The following ABCB11 variants were observed in gnomAD, a reference collection of about 807,000 sequenced individuals.
ABCB11 encodes bile salt export pump.
A neutral mutation model predicts 148.0 loss-of-function variants in ABCB11; 95 were observed. The observed-to-expected ratio is 0.64, with a 90% CI of 0.54 to 0.76. The LOEUF (loss-of-function observed/expected upper bound fraction) is 0.76. Ranked by LOEUF, ABCB11 falls within the 30% of genes least tolerant of loss-of-function variation. The pLI is 0.00. For missense variants in ABCB11, 1,523 were observed against 1,617.8 expected, an observed-to-expected ratio of 0.94 and a Z score of 1.01; for synonymous variants, 591 against 555.4, an observed-to-expected ratio of 1.06 and a Z score of -0.90.
chr2:168,944,120 G>A (rs535669660), intron 21 of ABCB11, among the ~76,000 whole-genome samples: 15 of 152,006 alleles, frequency 9.9e-5, no homozygotes, highest in South Asian at 8.3e-4. Flanking sequence ...GCTCTTCGAC[G>A]CCTTCAAGAT....
downstream of ABCB11, among the ~76,000 whole-genome samples, chr2:168,917,780 C>A (rs752135108): frequency 6.6e-6 from 1 of 152,144 alleles, no homozygotes; most frequent in South Asian, 2.1e-4. Flanking sequence ...GAGATTCAGA[C>A]TAGAGAATTC....
intron 5 of ABCB11, among the ~76,000 whole-genome samples, chr2:169,013,070 T>G (rs1304853150): frequency 2.0e-5 from 3 of 152,188 alleles, no homozygotes; most frequent in Non-Finnish European, 2.9e-5. Context: ...TCAATCCTGT[T>G]TCTATTAAGA....
chr2:168,997,602 A>G (rs1694755325), intron 5 of ABCB11, among the ~76,000 whole-genome samples: 2 of 152,108 alleles, frequency 1.3e-5, no homozygotes, highest in South Asian at 2.1e-4. Flanking sequence ...GTTAAATGGT[A>G]TAGAGTCTAC....
intron 10 of ABCB11, among the ~76,000 whole-genome samples, chr2:168,981,261 C>T (rs1694127384): frequency 6.6e-6 from 1 of 152,118 alleles, no homozygotes; most frequent in Admixed American, 6.6e-5. Context: ...GGATGATTAA[C>T]AGGGCCAGGG....
At position 169,018,099 on chromosome 2, in the gene ABCB11, A is replaced by G. The variant is rs772859713; in HGVS notation, c.27T>C (p.Ser9=). 1 of 1,613,618 alleles carries G rather than the reference A, an allele frequency of 6.2e-7. No individual in the cohort carries two copies. Among genetic ancestry groups the G allele is most frequent in the Non-Finnish European group, 8.5e-7 (1 of 1,179,682 alleles). Reference sequence around the variant, plus strand: ...CATTCTCCTCTCCAAATTTCTTTATACTTCGAAGAATTACTGAGTCAGACA... The same window carrying G: ...CATTCTCCTCTCCAAATTTCTTTATGCTTCGAAGAATTACTGAGTCAGACA... MSDSVILR[S]IKKFGEENDG... The change falls in exon 2 of 28, where the codon AGT becomes AGC. Residue 9 remains serine, a synonymous_variant. Coordinates refer to ENST00000650372, the MANE Select transcript of ABCB11 (RefSeq NM_003742.4).
At chr2:169,028,147 T>C (rs375810098) in intron 1 of ABCB11, among the ~76,000 whole-genome samples, 9 of 152,038 alleles carry the variant, frequency 5.9e-5, no homozygotes, top group African/African-American at 1.7e-4. Context: ...ATCCCTGTAC[T>C]GTGAGATCAG....
intron 19 of ABCB11, 146 bp from the exon 20 acceptor site, chr2:168,945,107 G>A: frequency 3.4e-6 from 2 of 592,548 alleles, no homozygotes; most frequent in Non-Finnish European, 3.0e-6. Context: ...GAACCCTAAT[G>A]TAAGCTGTGG....
At chr2:168,964,514 A>G (rs1337438356) in intron 17 of ABCB11, among the ~76,000 whole-genome samples, 2 of 151,678 alleles carry the variant, frequency 1.3e-5, no homozygotes, top group African/African-American at 4.8e-5. Context: ...TGGGCCCTAA[A>G]CTCTTGCAAG....
At chr2:168,948,366 C>T (rs1329757216) in intron 19 of ABCB11, among the ~76,000 whole-genome samples, 1 of 151,760 alleles carries the variant, frequency 6.6e-6, no homozygotes, top group Non-Finnish European at 1.5e-5. Flanking sequence ...CCCAGCTTCT[C>T]CCTACTAGAA....
At chr2:168,934,071 G>A (rs961536750) in intron 23 of ABCB11, among the ~76,000 whole-genome samples, 1 of 149,148 alleles carries the variant, frequency 6.7e-6, no homozygotes, top group Non-Finnish European at 1.5e-5. Context: ...ATTTTTACAT[G>A]TTGGCAAAAA....
intron 5 of ABCB11, among the ~76,000 whole-genome samples, chr2:168,998,786 T>C (rs1694791952): frequency 6.6e-6 from 1 of 152,094 alleles, no homozygotes; most frequent in Non-Finnish European, 1.5e-5. Context: ...ATGGTGCAGA[T>C]AAAGATATAT....
chr2:168,981,801 C>G (rs1186259402), intron 10 of ABCB11, among the ~76,000 whole-genome samples: 1 of 152,114 alleles, frequency 6.6e-6, no homozygotes, highest in Non-Finnish European at 1.5e-5. Flanking sequence ...TTACTCAGTT[C>G]TGCCATGTAG....
At chr2:168,970,882 A>G (rs1372343336) in intron 14 of ABCB11, among the ~76,000 whole-genome samples, 3 of 152,038 alleles carry the variant, frequency 2.0e-5, no homozygotes, top group Admixed American at 6.6e-5. Flanking sequence ...ATAAGGAAAC[A>G]CTGGGCCCAA....
In ABCB11 at chr2:168,971,860, A is replaced by G. The variant is rs762749352; in HGVS notation, c.1625T>C (p.Met542Thr). 6.2e-7 allele frequency: 1 copy of G among 1,612,486 alleles called. No individual in the cohort carries two copies. Among genetic ancestry groups the G allele is most frequent in the South Asian group, 1.1e-5 (1 of 91,032 alleles). The change falls in exon 14 of 28, where the codon ATG (methionine) becomes ACG (threonine). Residue 542 changes from methionine to threonine, a missense_variant. By Grantham distance (81) the Met-to-Thr change is moderately conservative. Coordinates refer to ENST00000650372, the MANE Select transcript of ABCB11 (RefSeq NM_003742.4). ...AKEANAYNFI[M>T]DLPQQFDTLV... ...GGCTAGGGGTACCTGTGGCAGGTCC[A>G]TGATGAAGTTGTAGGCATTGGCCTC...
Position 168,975,535 on chromosome 2 carries a change from A to C in ABCB11, c.1308+1042T>G, listed in dbSNP as rs1158931143. The stretch of plus-strand genomic sequence containing the variant: ...AATATATAAATATTTTTATATTTAT[A>C]GATAAATATATAAATACATAAATAT... On this transcript the variant is annotated intron_variant, in intron 12 of 27. Coordinates refer to ENST00000650372, the MANE Select transcript of ABCB11 (RefSeq NM_003742.4). Among the ~76,000 whole-genome samples, 4 of 106,542 alleles carry C rather than the reference A, an allele frequency of 3.8e-5. No homozygotes were observed. The East Asian group carries it at 1.1e-3, about 30-fold the overall frequency. 69.9% of individuals were successfully genotyped at this position (106,542 alleles called of 152,430 possible).
intron 18 of ABCB11, 104 bp downstream of exon 18, chr2:168,964,102 C>T: frequency 1.3e-6 from 1 of 768,562 alleles, no homozygotes; most frequent in South Asian, 1.8e-5. Flanking sequence ...TGAAACACTG[C>T]TAGATATATA....
chr2:168,980,265 G>A (rs1694089546), intron 10 of ABCB11, among the ~76,000 whole-genome samples: 1 of 152,120 alleles, frequency 6.6e-6, no homozygotes, highest in Non-Finnish European at 1.5e-5. Context: ...GTCTAAGCAA[G>A]GTAGCCTGTA....
chr2:169,013,410 C>T lies in ABCB11; in HGVS notation c.251G>A (p.Gly84Asp), dbSNP rs762571776. ...IAQPGVLLIFGTMTDVFIDYD... is the reference protein window; with the variant it reads ...IAQPGVLLIFDTMTDVFIDYD... Reference sequence around the variant, plus strand: ...GTCAATAAAAACATCTGTCATTGTGCCAAAAATGAGTAGCACGCCTGGCTG... The same window carrying T: ...GTCAATAAAAACATCTGTCATTGTGTCAAAAATGAGTAGCACGCCTGGCTG... The change falls in exon 5 of 28, where the codon GGC becomes GAC. Residue 84 changes from glycine (G) to aspartate (D), a missense_variant. Gly to Asp is a moderately conservative substitution (Grantham distance 94). Coordinates refer to ENST00000650372, the MANE Select transcript of ABCB11 (RefSeq NM_003742.4). 2 of 1,613,582 alleles carry T rather than the reference C, an allele frequency of 1.2e-6. No individual in the cohort carries two copies. The highest frequency in any genetic ancestry group is 1.7e-6 in the Non-Finnish European group (2 of 1,179,770).
chr2:168,927,313 G>A lies in ABCB11; in HGVS notation c.3461C>T (p.Ser1154Leu), dbSNP rs367730178. Residue 1154 changes from serine to leucine, a missense_variant, in exon 26 of 28, where the codon TCA (serine) becomes TTA (leucine). Coordinates refer to ENST00000650372, the MANE Select transcript of ABCB11 (RefSeq NM_003742.4). ...TTCCTGGGAAACAATTCCAATGTTT[G>A]AGCGGAGGAACTGGACATTTACTTT... The part of the protein sequence containing the change: ...SKKVNVQFLR[S>L]NIGIVSQEPV... The A allele has an allele frequency of 6.2e-7, 1 of 1,613,746 alleles. No individual in the cohort carries two copies. Among genetic ancestry groups the A allele is most frequent in the African/African-American group, 1.3e-5 (1 of 74,912 alleles).
Sources: gnomAD v4.1 joint callset for allele counts (sites outside exome capture counted in the v4.1 genomes callset) on GRCh38, gnomAD v4.1.1 for gene constraint, MANE v1.5 for transcripts, NCBI Gene and HGNC (gene_info 2026-07-23, HGNC 2026-07-21) for gene names.